CDH23: variants seen among roughly 807,000 people sequenced by gnomAD.
CDH23 encodes cadherin related 23.
A neutral mutation model predicts 317.1 loss-of-function variants in CDH23; 189 were observed. The ratio of observed to expected loss-of-function variants is 0.60; its 90% CI spans 0.53 to 0.67. CDH23 has a LOEUF of 0.67. Ranked by LOEUF, CDH23 falls within the 30% of genes least tolerant of loss-of-function variation. CDH23 has a pLI of 0.00. For missense variants in CDH23, 4,401 were observed against 4,592.4 expected (o/e 0.96, Z 1.20); for synonymous variants, 1,839 against 1,876.8 (o/e 0.98, Z 0.52).
chr10:71,504,612 G>A (rs1251284577), intron 3 of CDH23, among the ~76,000 whole-genome samples: 3 of 152,306 alleles, frequency 2.0e-5, no homozygotes, highest in South Asian at 4.1e-4. Context: ...GGAGGGGCTG[G>A]CCTAGCTGGA....
chr10:71,436,817 G>A (rs537754728), intron 1 of CDH23, among the ~76,000 whole-genome samples: 19 of 152,286 alleles, frequency 1.2e-4, no homozygotes, highest in African/African-American at 4.6e-4. Context: ...ATAACATCTG[G>A]TTTGGAATGG....
At chr10:71,461,658 C>G (rs577254614) in intron 3 of CDH23, among the ~76,000 whole-genome samples, 5 of 152,250 alleles carry the variant, frequency 3.3e-5, no homozygotes, top group Non-Finnish European at 7.3e-5. Flanking sequence ...AGCGCGGCCA[C>G]CGCGACTTGG....
intron 30 of CDH23, among the ~76,000 whole-genome samples, chr10:71,725,932 G>A (rs150661805): frequency 6.0e-5 from 9 of 151,190 alleles, no homozygotes; most frequent in African/African-American, 1.9e-4. Context: ...CAGGACTGGA[G>A]CCCCCATCTT....
intron 9 of CDH23, among the ~76,000 whole-genome samples, chr10:71,608,703 T>G (rs1860675118): frequency 6.6e-6 from 1 of 152,198 alleles, no homozygotes; most frequent in Non-Finnish European, 1.5e-5. Flanking sequence ...GGCATGAGAA[T>G]TAAAGAAGCG....
chr10:71,630,542 T>G (rs867062632), intron 11 of CDH23, among the ~76,000 whole-genome samples: 33 of 152,288 alleles, frequency 2.2e-4, no homozygotes, highest in Admixed American at 5.9e-4. Context: ...CACAAGGTTT[T>G]TGGCCTGAGC....
rs1227062 is a variant in CDH23, at chr10:71,734,402, T to A, written c.4206+61T>A. 0.8 allele frequency: 1,231,582 copies of A among 1,533,586 alleles called. 495,384 individuals are homozygous for A. The highest frequency in any genetic ancestry group is 0.83 in the East Asian group (34,677 of 41,792). 95.0% of individuals were successfully genotyped at this position (1,533,586 alleles called of 1,614,324 possible). ...GCCCATCGCTGGCCATGACACTTCC[T>A]AACCCATGTCCTCGCCAGCCACCCA... On this transcript the variant is annotated intron_variant, in intron 33 of 69. Transcript: ENST00000224721.
intron 34 of CDH23, chr10:71,737,829 A>G (rs1485299226): frequency 1.1e-5 from 5 of 466,220 alleles, no homozygotes; most frequent in Non-Finnish European, 2.2e-5. Flanking sequence ...CCCGAGCCAC[A>G]GACACAAAAC....
chr10:71,612,227 A>AGTGT (rs112383786), intron 9 of CDH23, among the ~76,000 whole-genome samples: 101,162 of 149,142 alleles, frequency 0.68, 36,026 homozygotes, highest in Non-Finnish European at 0.82. Context: ...GTGAAAAAGA[A>AGTGT]GTGTGTGTGT....
chr10:71,631,946 G>A (rs756524083), intron 11 of CDH23, among the ~76,000 whole-genome samples: 16 of 152,228 alleles, frequency 1.1e-4, no homozygotes, highest in Non-Finnish European at 2.1e-4. Flanking sequence ...CAAACTTATA[G>A]GAACAGAGAA....
At chr10:71,798,287 T>C in intron 49 of CDH23, 67 bp from the exon 50 acceptor site, 2 of 1,264,086 alleles carry the variant, frequency 1.6e-6, no homozygotes, top group Non-Finnish European at 2.3e-6. Context: ...TGGCTGAGGC[T>C]AAGGAAGGCC....
intron 8 of CDH23, among the ~76,000 whole-genome samples, chr10:71,575,664 A>G (rs1207418734): frequency 6.6e-6 from 1 of 152,214 alleles, no homozygotes; most frequent in Non-Finnish European, 1.5e-5. Context: ...CCCCAGCTGG[A>G]CTGGCTCCCT....
At position 71,518,982 on chromosome 10, in the gene CDH23, C is replaced by A. The variant is rs906699761; in HGVS notation, c.429+7770C>A. 5.3e-5 allele frequency among the ~76,000 whole-genome samples: 8 copies of A among 152,322 alleles called. No individual in the cohort carries two copies. The South Asian group carries it at 8.3e-4, about 16-fold the overall frequency. On this transcript the variant is annotated intron_variant, in intron 6 of 69. Transcript: ENST00000224721. ...GCGTCCTCCACCACCCACAGCACCA[C>A]GAAAGAGGACAGCGTGGGAGCAGGA...
At chr10:71,768,733 G>A (rs1247338188) in intron 38 of CDH23, among the ~76,000 whole-genome samples, 1 of 149,028 alleles carries the variant, frequency 6.7e-6, no homozygotes, top group East Asian at 2.0e-4. Flanking sequence ...TCCCACCTCA[G>A]CCTCCCAAAG....
rs1467015902 is a variant in CDH23, at chr10:71,799,602, G to C, written c.7335G>C (p.Glu2445Asp). Residue 2445 changes from glutamate to aspartate, a missense_variant, in exon 52 of 70, where the codon GAG (glutamate) becomes GAC (aspartate). Physicochemically the swap from Glu to Asp is conservative, Grantham distance 45. Around this residue, in one of 3 missense-constraint regions of CDH23, gnomAD observed 189 missense variants for 250.9 expected, o/e 0.75. Coordinates refer to ENST00000224721, the MANE Select transcript of CDH23 (RefSeq NM_022124.6). ...ALIEYSLGDG[E>D]SKFAINPTTG... ...TTGAGTACAGCCTTGGAGATGGAGA[G>C]AGCAAGTTTGCCATCAACCCCACCA... is the stretch of plus-strand genomic sequence containing the variant. 7.4e-6 allele frequency: 12 copies of C among 1,613,962 alleles called. No individual in the cohort carries two copies. The South Asian group carries it at 1.1e-4, about 15-fold the overall frequency.
At position 71,724,152 on chromosome 10, in the gene CDH23, G is replaced by A. The variant is rs535136463; in HGVS notation, c.3430+47G>A. On this transcript the variant is annotated intron_variant, in intron 29 of 69. Transcript: ENST00000224721. ...TGGGGGGCGGTCCTCCTGCCCAGGG[G>A]AGGGCAGAGCTTCTCTAGGCTGCCA... 8 of 1,542,652 alleles carry A rather than the reference G, an allele frequency of 5.2e-6. No individual in the cohort carries two copies. In the African/African-American group the frequency reaches 5.5e-5, roughly 11 times the overall value.
rs548422592 is a variant in CDH23, at chr10:71,548,256, CAG to C, written c.430-18481_430-18480del. ...CACACGCAGTCATGCGGGGTGGAGA[CAG>C]AGAGGGGAGAGTGTCTTTGTGTATG... is the stretch of plus-strand genomic sequence containing the variant. On this transcript the variant is annotated intron_variant, in intron 6 of 69. Coordinates refer to ENST00000224721, the MANE Select transcript of CDH23 (RefSeq NM_022124.6). 5.9e-5 allele frequency among the ~76,000 whole-genome samples: 9 copies of C among 152,104 alleles called. No homozygotes were observed. The South Asian group carries it at 1.0e-3, about 18-fold the overall frequency.
At chr10:71,491,656 C>G (rs1277936461) in intron 3 of CDH23, among the ~76,000 whole-genome samples, 1 of 152,124 alleles carries the variant, frequency 6.6e-6, no homozygotes, top group Non-Finnish European at 1.5e-5. Flanking sequence ...ATATTCAGTA[C>G]AGTTTGTCAG....
intron 63 of CDH23, 23 bp downstream of exon 63, chr10:71,811,458 A>G (rs1841922491): frequency 1.2e-6 from 2 of 1,613,948 alleles, no homozygotes; most frequent in Non-Finnish European, 1.7e-6. Flanking sequence ...CGTGCCCCAC[A>G]GCCCTAGCCG....
intron 11 of CDH23, among the ~76,000 whole-genome samples, chr10:71,635,038 G>A (rs1005775554): frequency 6.6e-6 from 1 of 152,238 alleles, no homozygotes; most frequent in African/African-American, 2.4e-5. Flanking sequence ...GGCTTGGCTG[G>A]GTCCCAGGAG....
Sources: allele counts gnomAD v4.1 joint callset (sites outside exome capture counted in the v4.1 genomes callset), GRCh38; gene constraint gnomAD v4.1.1; regional missense constraint gnomAD v4.1.1; transcripts MANE v1.5; gene names NCBI Gene and HGNC (gene_info 2026-07-23, HGNC 2026-07-21).